The following GPR149 variants were observed in gnomAD, a reference collection of about 807,000 sequenced individuals.
GPR149 encodes probable G protein-coupled receptor 149.
GPR149 carries 50 observed loss-of-function variants against 50.2 expected under a neutral mutation model. The ratio of observed to expected loss-of-function variants is 1.00; its 90% CI spans 0.79 to 1.26. The LOEUF is 1.26. Ranked by LOEUF, GPR149 falls within the 50% of genes most tolerant of loss-of-function variation. The probability of loss-of-function intolerance (pLI) is 0.00; values close to 1 mark genes in which losing one functional copy is unlikely to be tolerated. For synonymous variants in GPR149, 405 were observed against 358.2 expected (o/e 1.13, Z -1.48); for missense variants, 983 against 895.4 (o/e 1.10, Z -1.25).
intron 3 of GPR149, chr3:154,353,063 C>T (rs552181877): frequency 2.8e-6 from 4 of 1,412,396 alleles, no homozygotes; most frequent in Non-Finnish European, 4.0e-6. Flanking sequence ...CTCTTTGTGA[C>T]TGTGCAATAT....
Position 154,377,375 on chromosome 3 carries a change from TA to T in GPR149, c.1624-39105del, listed in dbSNP as rs1472873465. On this transcript the variant is annotated intron_variant, in intron 3 of 3. Transcript: ENST00000389740. ...TTATTATTATTATTATTATTATTAT[TA>T]TTATTATTATTACTGAGTCTCATTC... 6.7e-5 allele frequency among the ~76,000 whole-genome samples: 10 copies of T among 148,520 alleles called. No individual in the cohort carries two copies. The East Asian group carries it at 1.7e-3, about 26-fold the overall frequency.
chr3:154,410,172 A>C (rs888025743), intron 3 of GPR149, among the ~76,000 whole-genome samples: 1 of 152,138 alleles, frequency 6.6e-6, no homozygotes, highest in Non-Finnish European at 1.5e-5. Context: ...TTTTCAGACA[A>C]ACAAATGCTG....
chr3:154,385,229 T>A (rs1715018705), intron 3 of GPR149, among the ~76,000 whole-genome samples: 1 of 152,216 alleles, frequency 6.6e-6, no homozygotes. Flanking sequence ...TAGGGCAGGA[T>A]GATGGAATTG....
chr3:154,360,296 C>A (rs913655918), intron 3 of GPR149, among the ~76,000 whole-genome samples: 7 of 152,152 alleles, frequency 4.6e-5, no homozygotes, highest in Non-Finnish European at 8.8e-5. Context: ...TCATTTTCAC[C>A]ATGGTAACAT....
intron 3 of GPR149, chr3:154,354,183 T>A: frequency 2.0e-6 from 1 of 495,716 alleles, no homozygotes; most frequent in Non-Finnish European, 3.9e-6. Context: ...ATAACAACAT[T>A]TTCTCTTGTT....
At chr3:154,354,347 G>T (rs951388193) in intron 3 of GPR149, 16 of 239,040 alleles carry the variant, frequency 6.7e-5, no homozygotes, top group Non-Finnish European at 8.3e-6. Flanking sequence ...TTGCAATATC[G>T]ATAGAGCTCT....
In GPR149 at chr3:154,337,382, A is replaced by C. The variant is rs1407912511; in HGVS notation, c.*317T>G. On this transcript the variant is annotated 3_prime_UTR_variant, in exon 4 of 4. Transcript: ENST00000389740. ...GGAACAGTATATTCACTGAGTTTAT[A>C]CAATTTTCTGTTTACTAGGAAGTTG... Among the ~76,000 whole-genome samples, 2 of 152,214 alleles carry C rather than the reference A, an allele frequency of 1.3e-5. No homozygotes were observed. The highest frequency in any genetic ancestry group is 6.5e-5 in the Admixed American group (1 of 15,270).
chr3:154,402,485 G>C (rs1469954621), intron 3 of GPR149, among the ~76,000 whole-genome samples: 1 of 96,246 alleles, frequency 1.0e-5, no homozygotes, highest in East Asian at 3.9e-4. Context: ...AAGTAGACAA[G>C]TGATATTTAC....
chr3:154,339,779 C>CTTTTTTT (rs71152802), intron 3 of GPR149, among the ~76,000 whole-genome samples: 1 of 68,306 alleles, frequency 1.5e-5, no homozygotes, highest in Non-Finnish European at 2.5e-5. Context: ...TGCTCTACTT[C>CTTTTTTT]TTTTTTTTTT....
At chr3:154,397,460 G>C (rs571963404) in intron 3 of GPR149, among the ~76,000 whole-genome samples, 1 of 152,218 alleles carries the variant, frequency 6.6e-6, no homozygotes, top group Non-Finnish European at 1.5e-5. Context: ...CTTGCAAGCT[G>C]ATTATTAAAA....
rs537316370 is a variant in GPR149 at position 154,421,407 on chromosome 3, C to T, written c.1255G>A (p.Asp419Asn). 1 of 1,610,446 alleles carries T rather than the reference C, an allele frequency of 6.2e-7. No individual in the cohort carries two copies. ...TAGAATATGGAATTTTCATCATCATCATAGTAATCTTCATGTGCTATTTTA... is the reference window on the plus strand; with the variant it reads ...TAGAATATGGAATTTTCATCATCATTATAGTAATCTTCATGTGCTATTTTA... ...IYKIAHEDYY[D>N]DDENSIFYHN... The change falls in exon 3 of 4, where the codon GAT becomes AAT. Residue 419 changes from aspartate (D) to asparagine (N), a missense_variant. Asp to Asn is a conservative substitution (Grantham distance 23, BLOSUM62 1). Transcript: ENST00000389740.
rs1428002387 is a variant in GPR149, at chr3:154,353,849, G to A, written c.1624-15578C>T. 1.1e-5 allele frequency: 7 copies of A among 621,694 alleles called. 1 individual carries two copies. The South Asian group carries it at 1.2e-4, about 11-fold the overall frequency. The allele number at this position is 621,694 out of a possible 1,614,324, so 38.5% of individuals were successfully genotyped here. A position where few individuals can be genotyped will look rare whatever the true frequency, so the allele number is the denominator to read the frequency against. Reference sequence around the variant, plus strand: ...ACAGGACAAGGTCCTAACTTGAATAGGAAAGAGATATGTTACCCTTTGATG... The same window carrying A: ...ACAGGACAAGGTCCTAACTTGAATAAGAAAGAGATATGTTACCCTTTGATG... On this transcript the variant is annotated intron_variant, in intron 3 of 3. Coordinates refer to ENST00000389740, the MANE Select transcript of GPR149 (RefSeq NM_001038705.3).
At chr3:154,373,862 T>G (rs1262592407) in intron 3 of GPR149, among the ~76,000 whole-genome samples, 1 of 152,234 alleles carries the variant, frequency 6.6e-6, no homozygotes, top group Non-Finnish European at 1.5e-5. Flanking sequence ...TGTTCATTGC[T>G]GTATTCACAG....
chr3:154,369,542 T>C (rs1470130526), intron 3 of GPR149, among the ~76,000 whole-genome samples: 1 of 152,072 alleles, frequency 6.6e-6, no homozygotes, highest in Admixed American at 6.5e-5. Flanking sequence ...CTCCATCCGG[T>C]CCCACCGAAG....
At chr3:154,389,793 G>A (rs755403586) in intron 3 of GPR149, among the ~76,000 whole-genome samples, 4 of 152,134 alleles carry the variant, frequency 2.6e-5, no homozygotes, top group Non-Finnish European at 5.9e-5. Flanking sequence ...TAGCTACCTG[G>A]GAGCTAATGA....
intron 3 of GPR149, among the ~76,000 whole-genome samples, chr3:154,340,725 T>A (rs1224614839): frequency 6.6e-6 from 1 of 152,140 alleles, no homozygotes; most frequent in African/African-American, 2.4e-5. Context: ...GATTTAGTTT[T>A]GTTTGTTTGT....
chr3:154,361,827 T>C (rs1353621017), intron 3 of GPR149, among the ~76,000 whole-genome samples: 2 of 152,214 alleles, frequency 1.3e-5, no homozygotes, highest in African/African-American at 4.8e-5. Flanking sequence ...CTCTAATCTT[T>C]ATTCTTTAGA....
At chr3:154,346,478 A>C (rs1241712333) in intron 3 of GPR149, among the ~76,000 whole-genome samples, 1 of 152,234 alleles carries the variant, frequency 6.6e-6, no homozygotes, top group Non-Finnish European at 1.5e-5. Context: ...AACAAGGGCA[A>C]GAAAATGAGG....
intron 3 of GPR149, among the ~76,000 whole-genome samples, chr3:154,383,005 A>T (rs934286378): frequency 3.3e-5 from 5 of 152,220 alleles, no homozygotes; most frequent in Non-Finnish European, 5.9e-5. Flanking sequence ...AACAATACAG[A>T]ATGGCTCTCG....
Sources: allele counts gnomAD v4.1 joint callset (sites outside exome capture counted in the v4.1 genomes callset), GRCh38; gene constraint gnomAD v4.1.1; transcripts MANE v1.5; gene names NCBI Gene and HGNC (gene_info 2026-07-23, HGNC 2026-07-21).